Variants in PAPSS2 observed in about 807,000 individuals in gnomAD.
PAPSS2 encodes the protein bifunctional 3'-phosphoadenosine 5'-phosphosulfate synthase 2.
PAPSS2 carries 61 observed loss-of-function variants against 66.5 expected under a neutral mutation model. The observed-to-expected ratio is 0.92, with a 90% CI of 0.75 to 1.14. The LOEUF (loss-of-function observed/expected upper bound fraction) is 1.14, where lower values mean the gene tolerates loss of function less well. PAPSS2 is among the 50% of genes most tolerant of loss of function. The pLI is 0.00. For missense variants in PAPSS2, 708 were observed against 789.6 expected, an observed-to-expected ratio of 0.90 and a Z score of 1.24; for synonymous variants, 289 against 287.5, an observed-to-expected ratio of 1.01 and a Z score of -0.05.
intron 1 of PAPSS2, among the ~76,000 whole-genome samples, chr10:87,691,833 G>C (rs1441147528): frequency 2.0e-5 from 3 of 152,168 alleles, no homozygotes; most frequent in African/African-American, 7.2e-5. Flanking sequence ...GTGCACACCT[G>C]TAGTCACAGC....
chr10:87,663,779 T>G (rs1299058347), intron 1 of PAPSS2, among the ~76,000 whole-genome samples: 1 of 152,202 alleles, frequency 6.6e-6, no homozygotes, highest in Non-Finnish European at 1.5e-5. Context: ...AAAATTGTCT[T>G]GCTCAGTGCC....
chr10:87,661,020 T>C (rs1264652402), intron 1 of PAPSS2: 2 of 455,960 alleles, frequency 4.4e-6, no homozygotes, highest in Non-Finnish European at 8.8e-6. Context: ...TGGGTTGACC[T>C]CTCTCTAGTA....
intron 1 of PAPSS2, among the ~76,000 whole-genome samples, chr10:87,660,827 A>C (rs1003434543): frequency 3.2e-5 from 4 of 126,544 alleles, no homozygotes; most frequent in East Asian, 2.0e-4. Context: ...AAAAAAAAAA[A>C]AAAAAAACCG....
intron 1 of PAPSS2, among the ~76,000 whole-genome samples, chr10:87,693,753 CA>C (rs1359416194): frequency 2.0e-5 from 3 of 152,208 alleles, no homozygotes. Context: ...ATAATTACAA[CA>C]GCACATAATT....
rs532599466 is a variant in PAPSS2 at position 87,715,060 on chromosome 10, G to A, written c.715G>A (p.Ala239Thr). ...GGAAAACAAACTTGACCACGTCCGAGCTGAGGCTGAAACTCTCCCTTCATT... is the reference window on the plus strand; with the variant it reads ...GGAAAACAAACTTGACCACGTCCGAACTGAGGCTGAAACTCTCCCTTCATT... ...VPENKLDHVRAEAETLPSLSI... is the reference protein window; with the variant it reads ...VPENKLDHVRTEAETLPSLSI... The change falls in exon 6 of 13, where the codon GCT becomes ACT. Residue 239 changes from alanine to threonine, a missense_variant. Coordinates refer to ENST00000456849, the MANE Select transcript of PAPSS2 (RefSeq NM_001015880.2). 1.5e-5 allele frequency: 24 copies of A among 1,612,868 alleles called. No homozygotes were observed. In the South Asian group the frequency reaches 2.0e-4, roughly 13 times the overall value.
intron 1 of PAPSS2, among the ~76,000 whole-genome samples, chr10:87,701,245 T>TC (rs1853300853): frequency 2.7e-5 from 1 of 37,470 alleles, no homozygotes; most frequent in African/African-American, 3.5e-4. Context: ...TTCTTTTTTC[T>TC]TTTTTCTTTC....
chr10:87,662,368 TGA>T (rs1491351210), intron 1 of PAPSS2, among the ~76,000 whole-genome samples: 6 of 152,176 alleles, frequency 3.9e-5, no homozygotes, highest in African/African-American at 1.4e-4. Flanking sequence ...TTGGTTTAAA[TGA>T]GAGAGTGTAG....
chr10:87,706,137 T>G (rs1489142000), intron 1 of PAPSS2, among the ~76,000 whole-genome samples: 6 of 133,420 alleles, frequency 4.5e-5, no homozygotes, highest in Non-Finnish European at 7.9e-5. Context: ...TGTGTGTGTG[T>G]GTGTATATAT....
At chr10:87,690,777 T>C (rs1413369630) in intron 1 of PAPSS2, among the ~76,000 whole-genome samples, 1 of 152,214 alleles carries the variant, frequency 6.6e-6, no homozygotes, top group Admixed American at 6.5e-5. Flanking sequence ...CCTGTGCTTT[T>C]ATGTACATTT....
chr10:87,722,796 C>T (rs1853612865), intron 8 of PAPSS2, among the ~76,000 whole-genome samples: 1 of 152,222 alleles, frequency 6.6e-6, no homozygotes, highest in South Asian at 2.1e-4. Flanking sequence ...AGGGAAACTA[C>T]AGTAAATCTG....
chr10:87,733,534 GGAAT>G (rs1460407281), intron 9 of PAPSS2, among the ~76,000 whole-genome samples: 7 of 152,098 alleles, frequency 4.6e-5, no homozygotes, highest in Non-Finnish European at 1.0e-4. Context: ...ATGAAAGATG[GGAAT>G]GAGAGTTTAT....
chr10:87,715,079 C>A lies in PAPSS2; in HGVS notation c.734C>A (p.Pro245His). The change falls in exon 6 of 13, where the codon CCT (proline) becomes CAT (histidine). Residue 245 changes from proline to histidine, a missense_variant. By Grantham distance (77) the Pro-to-His change is moderately conservative. Transcript: ENST00000456849. ...GTCCGAGCTGAGGCTGAAACTCTCC[C>A]TTCATTATCAATTACTAAGGTAAGT... ...DHVRAEAETLPSLSITKLDLQ... is the reference protein window; with the variant it reads ...DHVRAEAETLHSLSITKLDLQ... The A allele has an allele frequency of 6.2e-7, 1 of 1,606,002 alleles. No individual in the cohort carries two copies. The highest frequency in any genetic ancestry group is 8.5e-7 in the Non-Finnish European group (1 of 1,172,726).
chr10:87,701,311 CCTTCCTTCCTTCCTTCCTTTCTTTCTTT>C (rs1853304296), intron 1 of PAPSS2, among the ~76,000 whole-genome samples: 1 of 75,858 alleles, frequency 1.3e-5, no homozygotes, highest in African/African-American at 7.4e-5. Context: ...TTCCTTCCTT[CCTTCCTTCCTTCCTTCCTTTCTTTCTTT>C]CTTTCTTTCT....
intron 1 of PAPSS2, among the ~76,000 whole-genome samples, chr10:87,672,336 A>T (rs1852888525): frequency 6.6e-6 from 1 of 152,210 alleles, no homozygotes; most frequent in Non-Finnish European, 1.5e-5. Context: ...CTTCATTTTC[A>T]TTGGGAGAAC....
chr10:87,685,673 G>C (rs1853078909), intron 1 of PAPSS2, among the ~76,000 whole-genome samples: 1 of 152,126 alleles, frequency 6.6e-6, no homozygotes, highest in African/African-American at 2.4e-5. Context: ...GACAGAGTGA[G>C]ACCCTGTCTC....
intron 9 of PAPSS2, among the ~76,000 whole-genome samples, chr10:87,739,791 TTCA>T (rs1292628822): frequency 6.6e-6 from 1 of 152,224 alleles, no homozygotes; most frequent in East Asian, 1.9e-4. Context: ...CACTGCACTA[TTCA>T]TCATCATGCA....
chr10:87,673,970 T>C (rs2131898750), intron 1 of PAPSS2, among the ~76,000 whole-genome samples: 1 of 152,256 alleles, frequency 6.6e-6, no homozygotes, highest in East Asian at 1.9e-4. Context: ...CATGTTATCT[T>C]GGGACTGTCC....
At position 87,743,409 on chromosome 10, in the gene PAPSS2, A is replaced by G; in HGVS notation, c.1259A>G (p.His420Arg). 6.2e-7 allele frequency: 1 copy of G among 1,614,072 alleles called. No individual in the cohort carries two copies. The highest frequency in any genetic ancestry group is 1.3e-5 in the African/African-American group (1 of 75,016). Residue 420 changes from histidine to arginine, a missense_variant, in exon 11 of 13, where the codon CAC becomes CGC. Transcript: ENST00000456849. ...GCATTCCAGTTGCGCAATCCTGTCC[A>G]CAATGGCCATGCCCTGTTGATGCAG... is the stretch of plus-strand genomic sequence containing the variant. ...VFAFQLRNPVHNGHALLMQDT... is the reference protein window; with the variant it reads ...VFAFQLRNPVRNGHALLMQDT...
intron 2 of PAPSS2, among the ~76,000 whole-genome samples, chr10:87,712,210 C>T (rs1037683946): frequency 2.0e-5 from 3 of 152,064 alleles, no homozygotes; most frequent in Admixed American, 6.5e-5. Context: ...TAGCTCAGGC[C>T]GGCTTCCTGT....
Sources: gnomAD v4.1 joint callset for allele counts (sites outside exome capture counted in the v4.1 genomes callset) on GRCh38, gnomAD v4.1.1 for gene constraint, MANE v1.5 for transcripts, NCBI Gene and HGNC (gene_info 2026-07-23, HGNC 2026-07-21) for gene names.